KCNT2: variants seen among roughly 807,000 people sequenced by gnomAD.
KCNT2 encodes the protein potassium channel subfamily T member 2.
A neutral mutation model predicts 153.8 loss-of-function variants in KCNT2; 67 were observed. The ratio of observed to expected loss-of-function variants is 0.44; its 90% CI spans 0.36 to 0.53. KCNT2 has a LOEUF of 0.53. Ranked by LOEUF, KCNT2 falls within the 20% of genes least tolerant of loss-of-function variation. The pLI is 0.00. For missense variants in KCNT2, 975 were observed against 1,354.8 expected, an observed-to-expected ratio of 0.72 and a Z score of 4.40; for synonymous variants, 500 against 458.8, an observed-to-expected ratio of 1.09 and a Z score of -1.15.
intron 8 of KCNT2, among the ~76,000 whole-genome samples, chr1:196,453,230 T>C (rs1676373983): frequency 6.6e-6 from 1 of 151,718 alleles, no homozygotes; most frequent in African/African-American, 2.4e-5. Context: ...AGAACGATAT[T>C]CTTAGGATCT....
chr1:196,372,879 C>T (rs370401153), intron 14 of KCNT2, among the ~76,000 whole-genome samples: 36 of 151,666 alleles, frequency 2.4e-4, no homozygotes, highest in African/African-American at 5.1e-4. Flanking sequence ...CAAATGATGC[C>T]GGCACTTAGA....
chr1:196,482,239 T>A (rs1679073522), intron 4 of KCNT2, 92 bp downstream of exon 4: 1 of 767,862 alleles, frequency 1.3e-6, no homozygotes, highest in Admixed American at 2.7e-5. Flanking sequence ...AAAGACAAAC[T>A]CATTTTGAAC....
intron 16 of KCNT2, among the ~76,000 whole-genome samples, chr1:196,338,588 CT>C (rs1665264217): frequency 1.3e-5 from 2 of 151,854 alleles, no homozygotes; most frequent in African/African-American, 4.8e-5. Flanking sequence ...AGAATTTAGA[CT>C]TTTTTTTCCA....
At chr1:196,344,689 A>G (rs1665984121) in intron 14 of KCNT2, among the ~76,000 whole-genome samples, 1 of 152,204 alleles carries the variant, frequency 6.6e-6, no homozygotes, top group Non-Finnish European at 1.5e-5. Flanking sequence ...GAGAATTAGA[A>G]ATCTAATTCC....
chr1:196,521,452 T>C (rs986201617), intron 1 of KCNT2, among the ~76,000 whole-genome samples: 5 of 152,132 alleles, frequency 3.3e-5, no homozygotes, highest in Admixed American at 2.0e-4. Flanking sequence ...ACTGGGTGTA[T>C]ACCCTAAAAG....
chr1:196,461,995 C>A (rs1473515908), intron 8 of KCNT2, among the ~76,000 whole-genome samples: 1 of 151,656 alleles, frequency 6.6e-6, no homozygotes, highest in Non-Finnish European at 1.5e-5. Context: ...TTATCCAAAT[C>A]TTTCAGGCTC....
At chr1:196,498,403 A>G (rs1304290488) in intron 1 of KCNT2, among the ~76,000 whole-genome samples, 1 of 152,114 alleles carries the variant, frequency 6.6e-6, no homozygotes, top group East Asian at 1.9e-4. Context: ...CTCTGTGTCT[A>G]CTTCTTACTA....
In KCNT2 at chr1:196,280,932, C is replaced by T. The variant is rs760587006; in HGVS notation, c.2838G>A (p.Lys946=). 16 of 1,611,520 alleles carry T rather than the reference C, an allele frequency of 9.9e-6. No homozygotes were observed. The South Asian group carries it at 1.4e-4, about 14-fold the overall frequency. Residue 946 remains lysine (K), a synonymous_variant, in exon 25 of 28, where the codon AAG becomes AAA. Coordinates refer to ENST00000294725, the MANE Select transcript of KCNT2 (RefSeq NM_198503.5). The part of the protein sequence containing the change: ...WIRTYARLYQ[K]LCSSTGDVPI... ...GAACATCTCCAGTAGAAGAACACAA[C>T]TTCTGATAAAGTCTGGCATAAGTTC...
At chr1:196,366,791 G>A (rs189487653) in intron 14 of KCNT2, among the ~76,000 whole-genome samples, 1 of 152,214 alleles carries the variant, frequency 6.6e-6, no homozygotes, top group Non-Finnish European at 1.5e-5. Flanking sequence ...CCCAAGAGCA[G>A]AGATTTTTCT....
chr1:196,308,776 G>A (rs937983469), intron 21 of KCNT2, among the ~76,000 whole-genome samples: 13 of 151,964 alleles, frequency 8.6e-5, no homozygotes, highest in African/African-American at 2.9e-4. Context: ...TAAAGAGGAA[G>A]ATAGACCAGT....
chr1:196,518,992 C>A (rs1652984799), intron 1 of KCNT2, among the ~76,000 whole-genome samples: 1 of 152,144 alleles, frequency 6.6e-6, no homozygotes, highest in Non-Finnish European at 1.5e-5. Flanking sequence ...AGTATACATT[C>A]TTCTCATTGC....
chr1:196,371,279 C>A (rs1207531127), intron 14 of KCNT2, among the ~76,000 whole-genome samples: 2 of 146,266 alleles, frequency 1.4e-5, no homozygotes, highest in Admixed American at 6.8e-5. Flanking sequence ...GACTATAGTC[C>A]CAGCTACTGT....
At chr1:196,373,574 T>G (rs1007446838) in intron 13 of KCNT2, among the ~76,000 whole-genome samples, 2 of 151,822 alleles carry the variant, frequency 1.3e-5, no homozygotes, top group Non-Finnish European at 2.9e-5. Context: ...GGGTTTGAGG[T>G]GTGGTCTAAA....
intron 26 of KCNT2, among the ~76,000 whole-genome samples, chr1:196,254,652 C>T (rs372350899): frequency 2.6e-5 from 4 of 151,586 alleles, no homozygotes; most frequent in South Asian, 4.1e-4. Context: ...ATTATTACTA[C>T]TACCACCATC....
intron 12 of KCNT2, among the ~76,000 whole-genome samples, chr1:196,412,810 T>C (rs1040474795): frequency 5.3e-5 from 8 of 151,858 alleles, no homozygotes; most frequent in South Asian, 2.1e-4. Flanking sequence ...TAAAAGTTTA[T>C]TGGGTTCGAC....
chr1:196,233,787 T>G (rs898400348), intron 27 of KCNT2, among the ~76,000 whole-genome samples: 23 of 151,388 alleles, frequency 1.5e-4, no homozygotes, highest in Non-Finnish European at 3.1e-4. Context: ...ACATAGTCAG[T>G]GTTAAGAGAA....
chr1:196,339,550 GA>G (rs1665406769), intron 16 of KCNT2, among the ~76,000 whole-genome samples: 1 of 150,362 alleles, frequency 6.7e-6, no homozygotes, highest in Admixed American at 6.7e-5. Context: ...GAGAGAGAGA[GA>G]GACAGAGACA....
intron 1 of KCNT2, 66 bp from the exon 2 acceptor site, chr1:196,492,407 CAACA>C: frequency 2.7e-6 from 3 of 1,115,354 alleles, no homozygotes; most frequent in Non-Finnish European, 3.5e-6. Flanking sequence ...TCATGAAGAT[CAACA>C]AATATAAATT....
intron 8 of KCNT2, among the ~76,000 whole-genome samples, chr1:196,446,959 T>C (rs1405801129): frequency 6.6e-6 from 1 of 151,542 alleles, no homozygotes; most frequent in Non-Finnish European, 1.5e-5. Flanking sequence ...TTTTGATCCC[T>C]GTTTTAAATA....
Sources: gnomAD v4.1 joint callset for allele counts (sites outside exome capture counted in the v4.1 genomes callset) on GRCh38, gnomAD v4.1.1 for gene constraint, MANE v1.5 for transcripts, NCBI Gene and HGNC (gene_info 2026-07-23, HGNC 2026-07-21) for gene names.